Variants in CTIF observed in about 807,000 individuals in gnomAD.
The protein encoded by CTIF is CBP80/20-dependent translation initiation factor.
Under a neutral mutation model 66.0 loss-of-function variants are expected in CTIF, and 21 were observed. The observed-to-expected ratio is 0.32, with a 90% CI of 0.23 to 0.46. The LOEUF is 0.46. CTIF is among the 20% of genes least tolerant of loss of function. The pLI, the probability that CTIF is intolerant of heterozygous loss-of-function variation, is 1.00. For missense variants in CTIF, 739 were observed against 812.7 expected (o/e 0.91, Z 1.10); for synonymous variants, 345 against 326.4 (o/e 1.06, Z -0.62).
intron 10 of CTIF, among the ~76,000 whole-genome samples, chr18:48,854,666 A>G (rs148271072): frequency 6.6e-6 from 1 of 152,118 alleles, no homozygotes; most frequent in Non-Finnish European, 1.5e-5. Context: ...CACACCTATA[A>G]TCTCAGTGCT....
chr18:48,552,866 G>A (rs759192507), intron 1 of CTIF, among the ~76,000 whole-genome samples: 1 of 152,168 alleles, frequency 6.6e-6, no homozygotes, highest in African/African-American at 2.4e-5. Flanking sequence ...TCTTAGATTG[G>A]CCACCTGTGA....
At chr18:48,852,534 C>T (rs1344589347) in intron 10 of CTIF, among the ~76,000 whole-genome samples, 1 of 152,172 alleles carries the variant, frequency 6.6e-6, no homozygotes, top group African/African-American at 2.4e-5. Context: ...ATGAGGGAGA[C>T]CGTTGCCTGT....
intron 9 of CTIF, among the ~76,000 whole-genome samples, chr18:48,762,783 C>G (rs917635808): frequency 2.0e-5 from 3 of 152,234 alleles, no homozygotes; most frequent in African/African-American, 7.2e-5. Context: ...TATGGCCACC[C>G]TCACCTTAAC....
intron 1 of CTIF, among the ~76,000 whole-genome samples, chr18:48,610,003 G>A (rs544393229): frequency 8.3e-4 from 126 of 152,280 alleles, no homozygotes; most frequent in African/African-American, 2.5e-3. Context: ...GGCAGTGGGC[G>A]GAAGAGCTGA....
intron 10 of CTIF, among the ~76,000 whole-genome samples, chr18:48,833,173 C>T (rs528657290): frequency 3.3e-5 from 5 of 152,262 alleles, no homozygotes; most frequent in East Asian, 1.9e-4. Context: ...GAGTGGAGGG[C>T]GTGGGCCAGG....
chr18:48,772,830 G>T (rs1910300729), intron 9 of CTIF, among the ~76,000 whole-genome samples: 1 of 152,160 alleles, frequency 6.6e-6, no homozygotes, highest in South Asian at 2.1e-4. Context: ...CCCTGCTTTT[G>T]ATTCTTTGGG....
intron 7 of CTIF, among the ~76,000 whole-genome samples, chr18:48,723,359 G>A (rs1321794665): frequency 6.6e-6 from 1 of 152,156 alleles, no homozygotes; most frequent in Non-Finnish European, 1.5e-5. Flanking sequence ...ATGAATGAAT[G>A]AATGATGAGA....
At chr18:48,775,998 C>G (rs1160592154) in intron 9 of CTIF, among the ~76,000 whole-genome samples, 1 of 152,242 alleles carries the variant, frequency 6.6e-6, no homozygotes, top group Non-Finnish European at 1.5e-5. Flanking sequence ...ATATTTTCAT[C>G]CAAAACTAAA....
intron 7 of CTIF, among the ~76,000 whole-genome samples, chr18:48,730,497 G>A (rs1194830853): frequency 1.8e-4 from 17 of 95,702 alleles, no homozygotes; most frequent in Non-Finnish European, 3.5e-4. Context: ...AGGGGCTTCT[G>A]CGGTGTGAGG....
chr18:48,625,510 T>C (rs1206800331), intron 2 of CTIF, among the ~76,000 whole-genome samples: 1 of 152,252 alleles, frequency 6.6e-6, no homozygotes, highest in Non-Finnish European at 1.5e-5. Context: ...CCCTTACTCC[T>C]ACCTCCCATC....
intron 9 of CTIF, among the ~76,000 whole-genome samples, chr18:48,816,351 T>C (rs1190116706): frequency 6.6e-6 from 1 of 152,236 alleles, no homozygotes; most frequent in Non-Finnish European, 1.5e-5. Flanking sequence ...TTATTTAAGC[T>C]ACCCCAGATT....
chr18:48,545,836 G>C (rs1316816874), intron 1 of CTIF, among the ~76,000 whole-genome samples: 1 of 152,178 alleles, frequency 6.6e-6, no homozygotes, highest in African/African-American at 2.4e-5. Context: ...GACAATGAGA[G>C]CAGACCTCTT....
chr18:48,654,684 T>C lies in CTIF; in HGVS notation c.253-9068T>C, dbSNP rs113428477. ...AAAGACACATGCACACGTATGTTTG[T>C]TGCGGCACTATTCACAATAGCAAAG... On this transcript the variant is annotated intron_variant, in intron 3 of 11. Transcript: ENST00000256413. Among the ~76,000 whole-genome samples the C allele has an allele frequency of 2.0e-3, 299 of 152,344 alleles. 1 individual carries two copies. The highest frequency in any genetic ancestry group is 6.5e-3 in the African/African-American group (272 of 41,570).
At chr18:48,748,471 G>A (rs1907474388) in intron 7 of CTIF, among the ~76,000 whole-genome samples, 1 of 152,152 alleles carries the variant, frequency 6.6e-6, no homozygotes, top group African/African-American at 2.4e-5. Context: ...GAAGCCTAGA[G>A]GTGTGGGACA....
At chr18:48,559,837 G>A (rs961454281) in intron 1 of CTIF, among the ~76,000 whole-genome samples, 1 of 152,202 alleles carries the variant, frequency 6.6e-6, no homozygotes, top group South Asian at 2.1e-4. Flanking sequence ...ATCAAAAAAC[G>A]ACCTGTTGGG....
intron 1 of CTIF, among the ~76,000 whole-genome samples, chr18:48,607,856 G>A (rs574802921): frequency 6.6e-6 from 1 of 152,330 alleles, no homozygotes; most frequent in Non-Finnish European, 1.5e-5. Context: ...TCTTCAGCCA[G>A]GTTATGGTTG....
At chr18:48,737,617 GAA>G (rs142187446) in intron 7 of CTIF, among the ~76,000 whole-genome samples, 1 of 145,870 alleles carries the variant, frequency 6.9e-6, no homozygotes, top group Non-Finnish European at 1.5e-5. Context: ...AATGTTAACT[GAA>G]AAAAAAAAGC....
chr18:48,777,955 T>A, intron 9 of CTIF, among the ~76,000 whole-genome samples: 1 of 152,236 alleles, frequency 6.6e-6, no homozygotes, highest in East Asian at 1.9e-4. Context: ...GAAACAGGCA[T>A]GCCTTGAGTC....
intron 11 of CTIF, among the ~76,000 whole-genome samples, chr18:48,858,712 TTATC>T (rs2069385812): frequency 6.6e-6 from 1 of 152,032 alleles, no homozygotes; most frequent in Non-Finnish European, 1.5e-5. Context: ...CTTTTCAAGA[TTATC>T]TAGGGCTCTC....
Sources: gnomAD v4.1 joint callset for allele counts (sites outside exome capture counted in the v4.1 genomes callset) on GRCh38, gnomAD v4.1.1 for gene constraint, MANE v1.5 for transcripts, NCBI Gene and HGNC (gene_info 2026-07-23, HGNC 2026-07-21) for gene names.